Variants in ACOXL observed in about 807,000 individuals in gnomAD.
ACOXL encodes the protein acyl-CoA oxidase like.
In ACOXL, 70 loss-of-function variants were observed where a neutral mutation model predicts 71.9. That is an observed-to-expected ratio of 0.97 (90% confidence interval 0.80 to 1.19). The LOEUF is 1.19. Ranked by LOEUF, ACOXL falls within the 50% of genes most tolerant of loss-of-function variation. The probability of loss-of-function intolerance (pLI) is 0.00; values close to 1 mark genes in which losing one functional copy is unlikely to be tolerated. For missense variants in ACOXL, 703 were observed against 736.3 expected (o/e 0.95, Z 0.52); for synonymous variants, 253 against 281.6 (o/e 0.90, Z 1.02).
chr2:110,936,647 C>T (rs529158447), intron 12 of ACOXL, among the ~76,000 whole-genome samples: 5 of 152,224 alleles, frequency 3.3e-5, no homozygotes, highest in African/African-American at 1.2e-4. Flanking sequence ...GAACAGCTCA[C>T]AGTACTCAGA....
chr2:110,994,130 A>G (rs531052116), intron 13 of ACOXL, among the ~76,000 whole-genome samples: 45 of 152,360 alleles, frequency 3.0e-4, no homozygotes, highest in Non-Finnish European at 1.0e-4. Flanking sequence ...CATGTTCTAC[A>G]GTCTGAATTC....
At chr2:111,010,048 T>C (rs868463795) in intron 14 of ACOXL, among the ~76,000 whole-genome samples, 23 of 152,300 alleles carry the variant, frequency 1.5e-4, no homozygotes, top group South Asian at 8.3e-4. Context: ...CATTATAGTG[T>C]CCACTAGATA....
intron 9 of ACOXL, among the ~76,000 whole-genome samples, chr2:110,830,344 C>T (rs1689669945): frequency 1.3e-5 from 2 of 152,154 alleles, no homozygotes; most frequent in Admixed American, 6.5e-5. Context: ...TACGCATCTA[C>T]ATTGTGTCTG....
intron 12 of ACOXL, among the ~76,000 whole-genome samples, chr2:110,944,447 C>G (rs1206315610): frequency 6.6e-6 from 1 of 152,064 alleles, no homozygotes; most frequent in African/African-American, 2.4e-5. Flanking sequence ...CAGCTAATTT[C>G]ATCACCCAGC....
intron 2 of ACOXL, among the ~76,000 whole-genome samples, chr2:110,778,261 C>T (rs796366503): frequency 4.3e-4 from 65 of 152,264 alleles, no homozygotes; most frequent in African/African-American, 1.5e-3. Flanking sequence ...TAAAAAGATG[C>T]ACAAACCATA....
Position 110,814,489 on chromosome 2 carries a change from T to C in ACOXL, c.753+9094T>C, listed in dbSNP as rs532631292. 3.3e-5 allele frequency among the ~76,000 whole-genome samples: 5 copies of C among 152,266 alleles called. No individual in the cohort carries two copies. The South Asian group carries it at 8.3e-4, about 25-fold the overall frequency. On this transcript the variant is annotated intron_variant, in intron 9 of 17. Transcript: ENST00000439055. ...TACCTTTGCCTACCATAATGAAATT[T>C]AGTAAGCCAAAAAAAGTTTACAATT...
chr2:110,888,417 C>T (rs1697572955), intron 10 of ACOXL, among the ~76,000 whole-genome samples: 1 of 152,182 alleles, frequency 6.6e-6, no homozygotes, highest in African/African-American at 2.4e-5. Flanking sequence ...GCAGAGGCCC[C>T]ACATGTGGCA....
intron 11 of ACOXL, among the ~76,000 whole-genome samples, chr2:110,914,894 T>C (rs1574100180): frequency 6.6e-6 from 1 of 152,184 alleles, no homozygotes; most frequent in East Asian, 1.9e-4. Context: ...GGTATTATAT[T>C]TAAGGGGTAC....
intron 10 of ACOXL, among the ~76,000 whole-genome samples, chr2:110,842,766 T>TCAGG (rs1214251232): frequency 6.6e-6 from 1 of 152,126 alleles, no homozygotes; most frequent in Non-Finnish European, 1.5e-5. Flanking sequence ...ATGGCCTGTA[T>TCAGG]CAGGGGCGGA....
rs779568598 is a variant in ACOXL, at chr2:110,908,840, C to T, written c.840C>T (p.His280=). 1.2e-6 allele frequency: 2 copies of T among 1,614,030 alleles called. No individual in the cohort carries two copies. Among genetic ancestry groups the T allele is most frequent in the African/African-American group, 2.7e-5 (2 of 74,932 alleles). The stretch of plus-strand genomic sequence containing the variant: ...AGGAAGAGGTGAAGATCATTGAGCA[C>T]CAAACACAGACCCTGCGGCTGATGC... ...KTKEEVKIIE[H]QTQTLRLMPH... is the part of the protein sequence containing the mutation. Residue 280 remains histidine, a synonymous_variant, in exon 11 of 18, where the codon CAC becomes CAT. Coordinates refer to ENST00000439055, the MANE Select transcript of ACOXL (RefSeq NM_001142807.4).
intron 14 of ACOXL, among the ~76,000 whole-genome samples, chr2:111,008,891 T>A (rs534679075): frequency 2.6e-5 from 4 of 152,238 alleles, no homozygotes; most frequent in African/African-American, 4.8e-5. Flanking sequence ...CATTTTAATA[T>A]GTTTTCAATG....
chr2:110,888,226 A>C (rs1043355739), intron 10 of ACOXL, among the ~76,000 whole-genome samples: 1 of 152,230 alleles, frequency 6.6e-6, no homozygotes, highest in Non-Finnish European at 1.5e-5. Flanking sequence ...TTACCCCAGT[A>C]TGGAACTGGA....
At chr2:110,856,745 T>C (rs1382170206) in intron 10 of ACOXL, among the ~76,000 whole-genome samples, 1 of 152,208 alleles carries the variant, frequency 6.6e-6, no homozygotes, top group Non-Finnish European at 1.5e-5. Flanking sequence ...GGCAGTGGGG[T>C]TCAGTACTCT....
chr2:111,010,056 A>T (rs2064074677), intron 14 of ACOXL, among the ~76,000 whole-genome samples: 1 of 152,200 alleles, frequency 6.6e-6, no homozygotes, highest in Admixed American at 6.5e-5. Context: ...TGTCCACTAG[A>T]TACTTAAATA....
chr2:111,017,129 T>C (rs1233283796), intron 14 of ACOXL, among the ~76,000 whole-genome samples: 1 of 152,240 alleles, frequency 6.6e-6, no homozygotes, highest in East Asian at 1.9e-4. Flanking sequence ...CTACAGTTTC[T>C]TGAAGTTCCC....
chr2:111,084,899 G>GAAAAAAAAA (rs113297442), intron 16 of ACOXL, among the ~76,000 whole-genome samples: 2 of 112,900 alleles, frequency 1.8e-5, no homozygotes, highest in African/African-American at 3.4e-5. Context: ...TGGAAAACAG[G>GAAAAAAAAA]AAAAAAAAAA....
intron 10 of ACOXL, among the ~76,000 whole-genome samples, chr2:110,846,641 G>GCACGCACACA (rs1553562227): frequency 7.3e-6 from 1 of 137,928 alleles, no homozygotes; most frequent in Non-Finnish European, 1.6e-5. Context: ...ATGCATACAC[G>GCACGCACACA]CACACACACA....
chr2:111,073,656 G>A (rs2067451229), intron 16 of ACOXL, among the ~76,000 whole-genome samples: 1 of 152,064 alleles, frequency 6.6e-6, no homozygotes, highest in African/African-American at 2.4e-5. Flanking sequence ...ATCTTCATTA[G>A]TATAACTTTA....
At chr2:110,755,077 T>G (rs747863193) in intron 1 of ACOXL, among the ~76,000 whole-genome samples, 1 of 152,158 alleles carries the variant, frequency 6.6e-6, no homozygotes, top group Non-Finnish European at 1.5e-5. Flanking sequence ...AGGCTTATTC[T>G]TAGTCATGGG....
Sources: allele counts gnomAD v4.1 joint callset (sites outside exome capture counted in the v4.1 genomes callset), GRCh38; gene constraint gnomAD v4.1.1; transcripts MANE v1.5; gene names NCBI Gene and HGNC (gene_info 2026-07-23, HGNC 2026-07-21).